The following NCKAP5 variants were observed in gnomAD, a reference collection of about 807,000 sequenced individuals.
NCKAP5 encodes NCK associated protein 5, also known as nck-associated protein 5.
In NCKAP5, 92 loss-of-function variants were observed where a neutral mutation model predicts 167.0. That is an observed-to-expected ratio of 0.55 (90% CI 0.47 to 0.66). The LOEUF is 0.66. Among genes scored for constraint, NCKAP5 ranks in the 30% least tolerant of loss-of-function variants. NCKAP5 has a pLI of 0.00. For synonymous variants in NCKAP5, 891 were observed against 877.4 expected, an observed-to-expected ratio of 1.02 and a Z score of -0.27; for missense variants, 2,378 against 2,315.0, an observed-to-expected ratio of 1.03 and a Z score of -0.56.
intron 4 of NCKAP5, among the ~76,000 whole-genome samples, chr2:133,236,579 G>A (rs1203573599): frequency 1.3e-5 from 2 of 152,144 alleles, no homozygotes; most frequent in African/African-American, 4.8e-5. Flanking sequence ...ATGATGATAG[G>A]AAAAATGAAA....
At chr2:133,338,760 C>T (rs555465373) in intron 3 of NCKAP5, among the ~76,000 whole-genome samples, 76 of 152,262 alleles carry the variant, frequency 5.0e-4, no homozygotes, top group African/African-American at 1.8e-3. Context: ...GTAATCCTAG[C>T]ACTTTGGGAG....
chr2:133,315,004 T>G (rs944615389), intron 3 of NCKAP5, among the ~76,000 whole-genome samples: 1 of 151,906 alleles, frequency 6.6e-6, no homozygotes, highest in Non-Finnish European at 1.5e-5. Flanking sequence ...GTGGCTGGAG[T>G]GCAGAGATGG....
intron 8 of NCKAP5, among the ~76,000 whole-genome samples, chr2:132,927,577 C>T (rs1696003645): frequency 6.6e-6 from 1 of 152,014 alleles, no homozygotes; most frequent in Non-Finnish European, 1.5e-5. Context: ...AGAGATCTTT[C>T]ATCTCTTTGG....
At chr2:132,766,862 G>T (rs563668181) in intron 16 of NCKAP5, among the ~76,000 whole-genome samples, 1 of 152,208 alleles carries the variant, frequency 6.6e-6, no homozygotes, top group South Asian at 2.1e-4. Context: ...AATAACAACT[G>T]TACATCATAT....
intron 5 of NCKAP5, among the ~76,000 whole-genome samples, chr2:133,212,606 G>C (rs1207519713): frequency 1.3e-5 from 2 of 152,158 alleles, no homozygotes; most frequent in African/African-American, 4.8e-5. Context: ...GACCTCAGGT[G>C]ATCTGCCCAC....
intron 6 of NCKAP5, among the ~76,000 whole-genome samples, chr2:133,112,899 C>G (rs2081961871): frequency 6.6e-6 from 1 of 152,214 alleles, no homozygotes; most frequent in African/African-American, 2.4e-5. Context: ...GACCCAGGGC[C>G]AGATGTGTGC....
At chr2:133,342,740 A>G (rs1321414207) in intron 3 of NCKAP5, among the ~76,000 whole-genome samples, 5 of 152,216 alleles carry the variant, frequency 3.3e-5, no homozygotes, top group Admixed American at 2.6e-4. Flanking sequence ...TAATGTGCTC[A>G]GAGACAAAAG....
chr2:133,490,180 C>T (rs551256555), intron 3 of NCKAP5, among the ~76,000 whole-genome samples: 12 of 152,332 alleles, frequency 7.9e-5, no homozygotes, highest in South Asian at 2.1e-4. Context: ...CCAGCATCAA[C>T]GGCTATAACC....
intron 5 of NCKAP5, among the ~76,000 whole-genome samples, chr2:133,190,358 A>C (rs7573856): frequency 0.64 from 96,826 of 152,052 alleles, 31,666 homozygotes; most frequent in East Asian, 0.83. Flanking sequence ...CCCAAGGTAA[A>C]TTATGTATTC....
chr2:132,890,517 C>T (rs969103906), intron 8 of NCKAP5, among the ~76,000 whole-genome samples: 3 of 152,304 alleles, frequency 2.0e-5, no homozygotes, highest in African/African-American at 7.2e-5. Flanking sequence ...GCAGTCTGTT[C>T]TGTTTTGAAA....
chr2:133,225,665 G>A (rs1025482210), intron 4 of NCKAP5, among the ~76,000 whole-genome samples: 2 of 151,794 alleles, frequency 1.3e-5, no homozygotes, highest in Non-Finnish European at 2.9e-5. Context: ...CCAGGCTAGA[G>A]TGCAGTGGTG....
chr2:133,234,898 T>C (rs1232551760), intron 4 of NCKAP5, among the ~76,000 whole-genome samples: 2 of 148,460 alleles, frequency 1.3e-5, no homozygotes, highest in Non-Finnish European at 3.0e-5. Flanking sequence ...TATAAATAAG[T>C]GTCCCTCAGT....
chr2:132,923,226 A>G (rs771536740), intron 8 of NCKAP5, among the ~76,000 whole-genome samples: 2 of 152,254 alleles, frequency 1.3e-5, no homozygotes, highest in Non-Finnish European at 2.9e-5. Context: ...GCTGTTGCTG[A>G]GAAAATATCA....
chr2:133,591,237 A>G, the NCKAP5 span, among the ~76,000 whole-genome samples: 1 of 152,168 alleles, frequency 6.6e-6, no homozygotes, highest in Non-Finnish European at 1.5e-5. Context: ...TCAACATTAA[A>G]CTAAGAGCCC....
rs1010348101 is a variant in NCKAP5 at position 132,911,051 on chromosome 2, G to A, written c.580-32135C>T. On this transcript the variant is annotated intron_variant, in intron 8 of 19. Coordinates refer to ENST00000409261, the MANE Select transcript of NCKAP5 (RefSeq NM_207363.3). ...GTCTTCTGACCGACACCACCCATTC[G>A]GTAGAGAGACTTCACTGCCTGATTC... The A allele has an allele frequency of 3.6e-5, 7 of 194,566 alleles. No homozygotes were observed. In the East Asian group the frequency reaches 4.8e-4, roughly 13 times the overall value. The allele number at this position is 194,566 out of a possible 1,614,324, so 12.1% of individuals were successfully genotyped here.
chr2:133,599,511 T>A, the NCKAP5 span, among the ~76,000 whole-genome samples: 1 of 152,168 alleles, frequency 6.6e-6, no homozygotes, highest in Non-Finnish European at 1.5e-5. Flanking sequence ...ACTGATTGGC[T>A]TTTGGCTAAA....
intron 3 of NCKAP5, among the ~76,000 whole-genome samples, chr2:133,326,928 C>T (rs975961405): frequency 1.3e-5 from 2 of 152,192 alleles, no homozygotes; most frequent in Non-Finnish European, 2.9e-5. Context: ...CGGCTTCTAA[C>T]ATACTCGCAA....
intron 3 of NCKAP5, among the ~76,000 whole-genome samples, chr2:133,326,188 G>T (rs955101462): frequency 6.6e-6 from 1 of 152,180 alleles, no homozygotes; most frequent in Non-Finnish European, 1.5e-5. Context: ...GGGCACAGTG[G>T]CTCAGGCCTG....
At chr2:133,606,136 C>A in the NCKAP5 span, among the ~76,000 whole-genome samples, 2 of 101,406 alleles carry the variant, frequency 2.0e-5, no homozygotes, top group African/African-American at 6.7e-5. Flanking sequence ...TCTAATAGAA[C>A]TTCAAAAAAA....
Sources: allele counts gnomAD v4.1 joint callset (sites outside exome capture counted in the v4.1 genomes callset), GRCh38; gene constraint gnomAD v4.1.1; transcripts MANE v1.5; gene names NCBI Gene and HGNC (gene_info 2026-07-23, HGNC 2026-07-21).